The following MGAM2 variants were observed in gnomAD, a reference collection of about 807,000 sequenced individuals.
MGAM2 encodes the protein maltase-glucoamylase 2 (putative).
MGAM2 carries 98 observed loss-of-function variants against 96.1 expected under a neutral mutation model. The observed-to-expected ratio is 1.02, with a 90% CI of 0.87 to 1.21. MGAM2 has a LOEUF of 1.21. MGAM2 is among the 50% of genes most tolerant of loss of function. The pLI is 0.00. For missense variants in MGAM2, 2,055 were observed against 1,182.4 expected, an observed-to-expected ratio of 1.74 and a Z score of -10.82; for synonymous variants, 749 against 414.8, an observed-to-expected ratio of 1.81 and a Z score of -9.79.
At chr7:142,192,938 G>T (rs946125124) in intron 37 of MGAM2, among the ~76,000 whole-genome samples, 1 of 152,066 alleles carries the variant, frequency 6.6e-6, no homozygotes, top group Non-Finnish European at 1.5e-5. Context: ...AAAATTAAAT[G>T]ATATAATGAA....
chr7:142,125,340 G>A (rs2129075459), intron 3 of MGAM2, among the ~76,000 whole-genome samples: 1 of 152,248 alleles, frequency 6.6e-6, no homozygotes, highest in East Asian at 1.9e-4. Context: ...TATTGGTAAT[G>A]GTTGAAAACT....
chr7:142,134,773 T>C (rs1344236320), intron 7 of MGAM2, among the ~76,000 whole-genome samples: 1 of 142,986 alleles, frequency 7.0e-6, no homozygotes, highest in African/African-American at 2.5e-5. Flanking sequence ...AGGACTAGTT[T>C]CTTAAAAAAA....
At chr7:142,121,615 T>C (rs1277681889) in intron 3 of MGAM2, among the ~76,000 whole-genome samples, 1 of 151,712 alleles carries the variant, frequency 6.6e-6, no homozygotes, top group Non-Finnish European at 1.5e-5. Flanking sequence ...ATTTTGTAAG[T>C]TGTGCTTCTT....
rs371723077 is a variant in MGAM2, at chr7:142,127,025, T to C, written c.187-3923T>C. The stretch of plus-strand genomic sequence containing the variant: ...GATATGATTAATGGTGGTATCTGTC[T>C]TCCTGTCCTTGCAGACAACTCTGTG... On this transcript the variant is annotated intron_variant, in intron 3 of 47. Coordinates refer to ENST00000477922, the MANE Select transcript of MGAM2 (RefSeq NM_001293626.2). Among the ~76,000 whole-genome samples, 329 of 152,348 alleles carry C rather than the reference T, an allele frequency of 2.2e-3. 16 individuals carry two copies. In the South Asian group the frequency reaches 0.063, roughly 29 times the overall value.
chr7:142,149,752 A>C (rs563932790), intron 15 of MGAM2, among the ~76,000 whole-genome samples: 5 of 151,864 alleles, frequency 3.3e-5, no homozygotes, highest in African/African-American at 1.2e-4. Flanking sequence ...AGCGTTAGCC[A>C]GGATGGTCTC....
chr7:142,171,633 T>TATATATTTCCCTCTGTCAGTTATGG (rs1796192973), intron 28 of MGAM2, among the ~76,000 whole-genome samples, 193 bp downstream of exon 28: 1 of 85,104 alleles, frequency 1.2e-5, no homozygotes, highest in African/African-American at 4.8e-5. Context: ...TATATATATA[T>TATATATTTCCCTCTGTCAGTTATGG]ATATATATAT....
intron 7 of MGAM2, 79 bp from the exon 8 acceptor site, chr7:142,136,462 G>T: frequency 1.9e-6 from 1 of 514,582 alleles, no homozygotes; most frequent in Non-Finnish European, 3.5e-6. Flanking sequence ...TGTTATAGAT[G>T]GCTTTTGAAT....
chr7:142,141,059 T>C lies in MGAM2; in HGVS notation c.1257T>C (p.Tyr419=). 1 of 702,006 alleles carries C rather than the reference T, an allele frequency of 1.4e-6. No individual in the cohort carries two copies. The highest frequency in any genetic ancestry group is 2.7e-5 in the East Asian group (1 of 37,224). The allele number at this position is 702,006 out of a possible 1,614,324, so 43.5% of individuals were successfully genotyped here. A position where few individuals can be genotyped will look rare whatever the true frequency, so the allele number is the denominator to read the frequency against. The stretch of plus-strand genomic sequence containing the variant: ...CCAAAAACTCTAACTACGAGCCCTA[T>C]AATAATGGAAGCCTAAAGAGAGTGT... The part of the protein sequence containing the change: ...GISKNSNYEP[Y]NNGSLKRVWI... The change falls in exon 12 of 48, where the codon TAT becomes TAC. Residue 419 remains tyrosine (Y), a synonymous_variant. Transcript: ENST00000477922.
chr7:142,154,036 C>T lies in MGAM2; in HGVS notation c.1653C>T (p.Phe551=), dbSNP rs1376949451. 1 of 677,564 alleles carries T rather than the reference C, an allele frequency of 1.5e-6. No individual in the cohort carries two copies. Among genetic ancestry groups the T allele is most frequent in the Admixed American group, 2.0e-5 (1 of 49,424 alleles). 42.0% of individuals were successfully genotyped at this position (677,564 alleles called of 1,614,324 possible). The part of the protein sequence containing the change: ...RTTNLALETI[F]MNNRSFILSR... ...TTTCCAGAGCCCTGGAGACCATCTT[C>T]ATGAATAATAGGAGCTTCATCTTAT... The change falls in exon 16 of 48, where the codon TTC becomes TTT. Residue 551 remains phenylalanine (F), a synonymous_variant. Coordinates refer to ENST00000477922, the MANE Select transcript of MGAM2 (RefSeq NM_001293626.2).
At chr7:142,168,710 A>G (rs1055846232) in intron 26 of MGAM2, among the ~76,000 whole-genome samples, 6 of 152,236 alleles carry the variant, frequency 3.9e-5, no homozygotes, top group Non-Finnish European at 8.8e-5. Context: ...ATCTTCCAGT[A>G]GATGCATTTT....
intron 3 of MGAM2, among the ~76,000 whole-genome samples, chr7:142,126,548 T>G (rs891386809): frequency 3.3e-5 from 5 of 152,054 alleles, no homozygotes; most frequent in Non-Finnish European, 7.4e-5. Flanking sequence ...TCACTGGACA[T>G]TTCAGGTTTT....
rs1380713679 is a variant in MGAM2 at position 142,132,083 on chromosome 7, CTTGTGAGCT to C, written c.575+1_575+9del. On this transcript the variant is annotated splice_donor_variant and splice_donor_5th_base_variant and coding_sequence_variant and intron_variant, in exon 6 of 48. Coordinates refer to ENST00000477922, the MANE Select transcript of MGAM2 (RefSeq NM_001293626.2). LOFTEE classifies it high-confidence loss of function. Reference sequence around the variant, plus strand: ...TAATGAGGACAAGCAACAGAAGAGTCTTGTGAGCTTTTCAACCCTCTTGGTGCATCTTTG... The same window carrying C: ...TAATGAGGACAAGCAACAGAAGAGTCTTTCAACCCTCTTGGTGCATCTTTG... 6 of 701,336 alleles carry C rather than the reference CTTGTGAGCT, an allele frequency of 8.6e-6. No individual in the cohort carries two copies. Among genetic ancestry groups the C allele is most frequent in the Non-Finnish European group, 1.3e-5 (5 of 384,530 alleles). 43.4% of individuals were successfully genotyped at this position (701,336 alleles called of 1,614,324 possible). A position where few individuals can be genotyped will look rare whatever the true frequency, so the allele number is the denominator to read the frequency against.
intron 46 of MGAM2, among the ~76,000 whole-genome samples, chr7:142,209,925 G>A (rs1341761934): frequency 6.6e-6 from 1 of 152,166 alleles, no homozygotes; most frequent in Admixed American, 6.5e-5. Context: ...GGGCAAGATG[G>A]CCAAATAGGA....
chr7:142,203,348 C>T (rs555369451), intron 45 of MGAM2, among the ~76,000 whole-genome samples: 3 of 152,006 alleles, frequency 2.0e-5, no homozygotes, highest in Admixed American at 1.3e-4. Flanking sequence ...AAATATTTTG[C>T]CAAGACCAAC....
At chr7:142,112,465 T>C (rs149360438) in intron 1 of MGAM2, among the ~76,000 whole-genome samples, 26 of 152,238 alleles carry the variant, frequency 1.7e-4, no homozygotes, top group Admixed American at 2.6e-4. Context: ...AAGAGACCAA[T>C]TGATGAATAA....
intron 47 of MGAM2, 88 bp downstream of exon 47, chr7:142,218,619 T>A (rs1040505178): frequency 1.7e-6 from 1 of 582,606 alleles, no homozygotes; most frequent in Non-Finnish European, 3.0e-6. Context: ...CAATTAAAAT[T>A]ATCATTGTTA....
At position 142,221,651 on chromosome 7, in the gene MGAM2, C is replaced by T; in HGVS notation, c.7140C>T (p.Phe2380=). 2.2e-6 allele frequency: 1 copy of T among 458,184 alleles called. No homozygotes were observed. Among genetic ancestry groups the T allele is most frequent in the Non-Finnish European group, 3.8e-6 (1 of 261,826 alleles). The allele number at this position is 458,184 out of a possible 1,614,324, so 28.4% of individuals were successfully genotyped here. The change falls in exon 48 of 48, where the codon TTC becomes TTT. Residue 2380 remains phenylalanine, a synonymous_variant. Transcript: ENST00000477922. ...CAACAGTTACTTCCATAGACAAATT[C>T]ACCACACACATCACACAGTTCGCTA... ...PDTTVTSIDK[F]TTHITQFATP...
At chr7:142,118,676 A>T (rs576923001) in intron 2 of MGAM2, among the ~76,000 whole-genome samples, 23 of 152,202 alleles carry the variant, frequency 1.5e-4, no homozygotes, top group African/African-American at 3.4e-4. Context: ...TCTTCCTGAT[A>T]TGTAGCCTGA....
At chr7:142,135,975 CA>C (rs1441611718) in intron 7 of MGAM2, among the ~76,000 whole-genome samples, 1 of 152,092 alleles carries the variant, frequency 6.6e-6, no homozygotes, top group Non-Finnish European at 1.5e-5. Flanking sequence ...AATATGTTTA[CA>C]AAATAACTTG....
Sources: allele counts gnomAD v4.1 joint callset (sites outside exome capture counted in the v4.1 genomes callset), GRCh38; gene constraint gnomAD v4.1.1; transcripts MANE v1.5; gene names NCBI Gene and HGNC (gene_info 2026-07-23, HGNC 2026-07-21).